The following LRRC37A variants were observed in gnomAD, a reference collection of about 807,000 sequenced individuals.
LRRC37A encodes the protein leucine-rich repeat-containing protein 37A.
Under a neutral mutation model 35.4 loss-of-function variants are expected in LRRC37A, and 3 were observed. The observed-to-expected ratio is 0.08, with a 90% CI of 0.04 to 0.22. LRRC37A has a LOEUF of 0.22. LRRC37A is among the 10% of genes least tolerant of loss of function. The probability of loss-of-function intolerance (pLI) is 1.00; values close to 1 mark genes in which losing one functional copy is unlikely to be tolerated. For synonymous variants in LRRC37A, 23 were observed against 215.0 expected (o/e 0.11, Z 7.81); for missense variants, 67 against 565.3 (o/e 0.12, Z 8.94).
the LRRC37A span, chr17:46,275,477 T>C: frequency 2.8e-6 from 2 of 713,872 alleles, no homozygotes; most frequent in African/African-American, 1.9e-5. Flanking sequence ...AATGATGCTT[T>C]ATGCGGATGC....
chr17:46,252,638 C>T, the LRRC37A span, among the ~76,000 whole-genome samples: 3 of 149,554 alleles, frequency 2.0e-5, no homozygotes, highest in African/African-American at 7.3e-5. Context: ...GCCCTTAATC[C>T]ATTTAACCCT....
chr17:46,251,977 G>A, the LRRC37A span, among the ~76,000 whole-genome samples: 1 of 152,114 alleles, frequency 6.6e-6, no homozygotes, highest in African/African-American at 2.4e-5. Context: ...ATCTAAGCTG[G>A]GGTGATTGTC....
At chr17:46,262,087 C>T in the LRRC37A span, among the ~76,000 whole-genome samples, 7 of 152,292 alleles carry the variant, frequency 4.6e-5, no homozygotes, top group Middle Eastern at 6.8e-3. Context: ...GCAGCTGGGA[C>T]TACAGGCGAG....
the LRRC37A span, among the ~76,000 whole-genome samples, chr17:46,257,286 A>C: frequency 6.6e-6 from 1 of 151,868 alleles, no homozygotes; most frequent in Non-Finnish European, 1.5e-5. Context: ...GTCTCTACTA[A>C]AAATACAAAA....
rs1339743491 is a variant in LRRC37A, at chr17:46,324,669, TAG to T, written c.3053+1644_3053+1645del. Among the ~76,000 whole-genome samples, 7 of 11,218 alleles carry T rather than the reference TAG, an allele frequency of 6.2e-4. 1 individual carries two copies. Among genetic ancestry groups the T allele is most frequent in the East Asian group, 0.05 (1 of 20 alleles). The allele number at this position is 11,218 out of a possible 152,430, so 7.4% of individuals were successfully genotyped here. A position where few individuals can be genotyped will look rare whatever the true frequency, so the allele number is the denominator to read the frequency against. On this transcript the variant is annotated intron_variant, in intron 7 of 13. Coordinates refer to ENST00000320254, the Ensembl canonical transcript of LRRC37A. Reference sequence around the variant, plus strand: ...TGGCCTTCTTTGCAGGATATATATATAGATATAGATATATATATAAATCAGCC... The same window carrying T: ...TGGCCTTCTTTGCAGGATATATATATATATAGATATATATATAAATCAGCC...
At chr17:46,266,552 A>G in the LRRC37A span, among the ~76,000 whole-genome samples, 5 of 152,092 alleles carry the variant, frequency 3.3e-5, no homozygotes, top group South Asian at 1.0e-3. Context: ...GCGGGTGTGG[A>G]GAAGGGGTTA....
chr17:46,254,896 T>C, the LRRC37A span, among the ~76,000 whole-genome samples: 3,894 of 151,436 alleles, frequency 0.026, 162 homozygotes, highest in African/African-American at 0.087. Context: ...AGTGCAGTGG[T>C]GTGATCTCAG....
rs1294460442 is a variant in LRRC37A at position 46,314,571 on chromosome 17, C to T, written c.2907-7751C>T. 7.8e-5 allele frequency among the ~76,000 whole-genome samples: 6 copies of T among 77,262 alleles called. 3 individuals are homozygous for T. In the Admixed American group the frequency reaches 8.2e-4, roughly 11 times the overall value. The allele number at this position is 77,262 out of a possible 152,430, so 50.7% of individuals were successfully genotyped here. ...CTCCTAACCTCAGATGATCCACCTG[C>T]TTCAGCCTCCCAAAATGCTGGGATT... is the stretch of plus-strand genomic sequence containing the variant. On this transcript the variant is annotated intron_variant, in intron 5 of 13. Transcript: ENST00000320254.
At chr17:46,267,316 G>C in the LRRC37A span, 2 of 1,419,576 alleles carry the variant, frequency 1.4e-6, no homozygotes, top group Non-Finnish European at 1.9e-6. Context: ...CTGTTTTTTG[G>C]AAGCAGCGAT....
At chr17:46,285,422 A>T in the LRRC37A span, among the ~76,000 whole-genome samples, 2 of 151,800 alleles carry the variant, frequency 1.3e-5, no homozygotes. Flanking sequence ...TTGTATTTTT[A>T]GTAGAGACGG....
the LRRC37A span, among the ~76,000 whole-genome samples, chr17:46,252,522 C>G: frequency 6.7e-6 from 1 of 148,634 alleles, no homozygotes; most frequent in South Asian, 2.1e-4. Flanking sequence ...GACCCTGCGC[C>G]TTCCGCAGTC....
chr17:46,263,370 G>A, the LRRC37A span, among the ~76,000 whole-genome samples: 1 of 152,062 alleles, frequency 6.6e-6, no homozygotes, highest in Admixed American at 6.6e-5. Context: ...GCCCAACATG[G>A]TGAAACCCCG....
Position 46,298,082 on chromosome 17 carries a change from G to A in LRRC37A, c.2609+340G>A, listed in dbSNP as rs1425488995. On this transcript the variant is annotated intron_variant, in intron 1 of 13. Transcript: ENST00000320254. ...GATCTCAATGATGATGCTCTAAGTC[G>A]TTAAGAGTTGATTCCGGAGCCAGGC... is the stretch of plus-strand genomic sequence containing the variant. Among the ~76,000 whole-genome samples the A allele has an allele frequency of 3.3e-4, 4 of 12,162 alleles. 2 individuals are homozygous for A. Among genetic ancestry groups the A allele is most frequent in the African/African-American group, 3.6e-4 (4 of 11,222 alleles). The allele number at this position is 12,162 out of a possible 152,430, so 8.0% of individuals were successfully genotyped here.
chr17:46,278,561 G>A, the LRRC37A span, among the ~76,000 whole-genome samples: 10 of 151,412 alleles, frequency 6.6e-5, no homozygotes, highest in African/African-American at 9.7e-5. Flanking sequence ...TCACCACTGC[G>A]ACCGGCTAAT....
chr17:46,271,242 C>T, the LRRC37A span, among the ~76,000 whole-genome samples: 43 of 151,272 alleles, frequency 2.8e-4, no homozygotes, highest in African/African-American at 3.9e-4. Context: ...GTCAGCTCAC[C>T]GCAACCTCTC....
At chr17:46,323,431 C>CT (rs1296999685) in intron 7 of LRRC37A, among the ~76,000 whole-genome samples, 1 of 101,550 alleles carries the variant, frequency 9.8e-6, no homozygotes, top group African/African-American at 3.2e-5. Context: ...GAATCTCACT[C>CT]TGTCGCCCAG....
chr17:46,267,960 G>A, the LRRC37A span, among the ~76,000 whole-genome samples: 392 of 145,520 alleles, frequency 2.7e-3, no homozygotes, highest in Admixed American at 4.3e-3. Context: ...GAGTGCAATG[G>A]CGCCATCTCA....
the LRRC37A span, among the ~76,000 whole-genome samples, chr17:46,270,995 T>C: frequency 1.3e-5 from 2 of 152,230 alleles, no homozygotes; most frequent in South Asian, 2.1e-4. Context: ...AAAAGTCTTT[T>C]AGTATCTCAC....
the LRRC37A span, chr17:46,260,618 C>CTAT: frequency 1.4e-5 from 16 of 1,181,876 alleles, no homozygotes; most frequent in Non-Finnish European, 1.7e-5. Flanking sequence ...GCTCTCTATT[C>CTAT]TCTTTTTTTT....
Sources: gnomAD v4.1 joint callset for allele counts (sites outside exome capture counted in the v4.1 genomes callset) on GRCh38, gnomAD v4.1.1 for gene constraint, MANE v1.5 for transcripts, NCBI Gene and HGNC (gene_info 2026-07-23, HGNC 2026-07-21) for gene names.